The following NTNG1 variants were observed in gnomAD, a reference collection of about 807,000 sequenced individuals.
NTNG1 encodes the protein netrin-G1.
A neutral mutation model predicts 54.0 loss-of-function variants in NTNG1; 16 were observed. The observed-to-expected ratio is 0.30, with a 90% CI of 0.20 to 0.45. The LOEUF (loss-of-function observed/expected upper bound fraction) is 0.45. NTNG1 is among the 20% of genes least tolerant of loss of function. The probability of loss-of-function intolerance (pLI) is 1.00; values close to 1 mark genes in which losing one functional copy is unlikely to be tolerated. For synonymous variants in NTNG1, 255 were observed against 263.1 expected (o/e 0.97, Z 0.30); for missense variants, 530 against 678.7 (o/e 0.78, Z 2.43).
intron 2 of NTNG1, among the ~76,000 whole-genome samples, chr1:107,250,147 A>C (rs1468168152): frequency 6.6e-6 from 1 of 152,244 alleles, no homozygotes; most frequent in Admixed American, 6.5e-5. Context: ...TACTGTCTTC[A>C]TAGATTTAAT....
At chr1:107,201,352 G>A (rs1044649666) in intron 2 of NTNG1, among the ~76,000 whole-genome samples, 2 of 151,598 alleles carry the variant, frequency 1.3e-5, no homozygotes, top group South Asian at 2.1e-4. Flanking sequence ...TCTGAATCTC[G>A]CCCTACTCTC....
chr1:107,386,939 C>T (rs1483604837), intron 3 of NTNG1, among the ~76,000 whole-genome samples: 1 of 152,170 alleles, frequency 6.6e-6, no homozygotes, highest in African/African-American at 2.4e-5. Flanking sequence ...TTTATTACAG[C>T]CATCCTAGTG....
At chr1:107,242,337 CTCTT>C (rs1198779560) in intron 2 of NTNG1, among the ~76,000 whole-genome samples, 3 of 152,128 alleles carry the variant, frequency 2.0e-5, no homozygotes, top group South Asian at 2.1e-4. Flanking sequence ...CGCTCTCTCT[CTCTT>C]TATCTCTCTC....
intron 2 of NTNG1, among the ~76,000 whole-genome samples, chr1:107,310,044 G>C (rs1464516989): frequency 1.3e-5 from 2 of 152,018 alleles, no homozygotes; most frequent in South Asian, 2.1e-4. Flanking sequence ...ATGACAAATA[G>C]AAAGCCCCTT....
chr1:107,400,916 C>T (rs1444121586), intron 4 of NTNG1, among the ~76,000 whole-genome samples: 1 of 152,190 alleles, frequency 6.6e-6, no homozygotes, highest in Non-Finnish European at 1.5e-5. Context: ...TCCCAAAGTG[C>T]TGGGATTACA....
intron 2 of NTNG1, among the ~76,000 whole-genome samples, chr1:107,187,788 T>TA (rs1433474936): frequency 6.6e-6 from 1 of 152,092 alleles, no homozygotes; most frequent in Non-Finnish European, 1.5e-5. Context: ...CAAGGACACA[T>TA]ATGATGCAGA....
chr1:107,354,979 C>G (rs1669850904), intron 3 of NTNG1, among the ~76,000 whole-genome samples: 2 of 152,286 alleles, frequency 1.3e-5, no homozygotes, highest in African/African-American at 4.8e-5. Flanking sequence ...ATAATTCACC[C>G]TTTCCTGTTG....
At chr1:107,219,110 T>G (rs1266122831) in intron 2 of NTNG1, among the ~76,000 whole-genome samples, 1 of 131,170 alleles carries the variant, frequency 7.6e-6, no homozygotes, top group Non-Finnish European at 1.6e-5. Flanking sequence ...TTCATTGTTT[T>G]TAAATTTTTT....
At chr1:107,147,021 A>G (rs1654172440) in intron 1 of NTNG1, among the ~76,000 whole-genome samples, 1 of 152,066 alleles carries the variant, frequency 6.6e-6, no homozygotes, top group Non-Finnish European at 1.5e-5. Flanking sequence ...TATAAATATA[A>G]GCAATCTAAT....
At chr1:107,360,782 A>G (rs1440399405) in intron 3 of NTNG1, among the ~76,000 whole-genome samples, 1 of 152,180 alleles carries the variant, frequency 6.6e-6, no homozygotes, top group Admixed American at 6.5e-5. Flanking sequence ...TGTAAAGATC[A>G]CTTAATATAT....
rs1314081559 is a variant in NTNG1, at chr1:107,284,921, AT to A, written c.247-39360del. Among the ~76,000 whole-genome samples the A allele has an allele frequency of 5.3e-5, 8 of 152,246 alleles. No homozygotes were observed. In the East Asian group the frequency reaches 1.5e-3, roughly 29 times the overall value. On this transcript the variant is annotated intron_variant, in intron 2 of 7. Coordinates refer to ENST00000370068, the MANE Select transcript of NTNG1 (RefSeq NM_001113226.3). ...TTGATTAGTCCACTGACTTAGAATG[AT>A]ACACAGGGAGGAGTACAGGATTCTA...
intron 2 of NTNG1, among the ~76,000 whole-genome samples, chr1:107,236,716 C>T (rs1034581722): frequency 7.9e-5 from 12 of 152,196 alleles, no homozygotes; most frequent in African/African-American, 2.6e-4. Flanking sequence ...GAATGAGTCT[C>T]ATGAGATCTG....
At chr1:107,387,782 C>T (rs773576048) in intron 3 of NTNG1, among the ~76,000 whole-genome samples, 3 of 152,188 alleles carry the variant, frequency 2.0e-5, no homozygotes, top group Non-Finnish European at 2.9e-5. Flanking sequence ...ACCTCCTTCT[C>T]AGAGTGATAA....
chr1:107,227,715 C>T (rs1660786829), intron 2 of NTNG1, among the ~76,000 whole-genome samples: 1 of 152,064 alleles, frequency 6.6e-6, no homozygotes, highest in Non-Finnish European at 1.5e-5. Flanking sequence ...CACACACACA[C>T]ACAGATAGAC....
chr1:107,318,194 T>TA (rs1667445217), intron 2 of NTNG1, among the ~76,000 whole-genome samples: 1 of 152,138 alleles, frequency 6.6e-6, no homozygotes, highest in South Asian at 2.1e-4. Flanking sequence ...AGTAGTTTGA[T>TA]AAAATCTCAC....
At chr1:107,339,248 G>A (rs1668767716) in intron 3 of NTNG1, among the ~76,000 whole-genome samples, 1 of 152,012 alleles carries the variant, frequency 6.6e-6, no homozygotes, top group Non-Finnish European at 1.5e-5. Flanking sequence ...TTGTTAATTT[G>A]GGAAGTCAAC....
At chr1:107,364,489 G>C (rs1055371638) in intron 3 of NTNG1, among the ~76,000 whole-genome samples, 1 of 152,164 alleles carries the variant, frequency 6.6e-6, no homozygotes, top group Non-Finnish European at 1.5e-5. Flanking sequence ...GGAGTGAACT[G>C]ACTTGGTTAA....
At chr1:107,461,824 G>A (rs569843771) in intron 7 of NTNG1, among the ~76,000 whole-genome samples, 91 of 152,224 alleles carry the variant, frequency 6.0e-4, no homozygotes, top group Middle Eastern at 3.4e-3. Context: ...GAGCCACCGC[G>A]CCTGGCCTAG....
At chr1:107,309,679 T>G (rs1400410002) in intron 2 of NTNG1, among the ~76,000 whole-genome samples, 2 of 152,170 alleles carry the variant, frequency 1.3e-5, no homozygotes, top group African/African-American at 4.8e-5. Flanking sequence ...CAACTTGAAC[T>G]TTTTGTTTTC....
Sources: allele counts gnomAD v4.1 joint callset (sites outside exome capture counted in the v4.1 genomes callset), GRCh38; gene constraint gnomAD v4.1.1; transcripts MANE v1.5; gene names NCBI Gene and HGNC (gene_info 2026-07-23, HGNC 2026-07-21).